The following RUNX2 variants were observed in gnomAD, a reference collection of about 807,000 sequenced individuals.
RUNX2 encodes runt-related transcription factor 2.
RUNX2 carries 10 observed loss-of-function variants against 51.7 expected under a neutral mutation model. The ratio of observed to expected loss-of-function variants is 0.19; its 90% CI spans 0.12 to 0.33. RUNX2 has a LOEUF of 0.33. Ranked by LOEUF, RUNX2 falls within the 10% of genes least tolerant of loss-of-function variation. RUNX2 has a pLI of 1.00. For synonymous variants in RUNX2, 276 were observed against 273.6 expected, an observed-to-expected ratio of 1.01 and a Z score of -0.09; for missense variants, 562 against 691.3, an observed-to-expected ratio of 0.81 and a Z score of 2.10.
At chr6:45,397,559 C>T (rs1309984568) in intron 2 of RUNX2, among the ~76,000 whole-genome samples, 3 of 152,118 alleles carry the variant, frequency 2.0e-5, no homozygotes, top group Non-Finnish European at 4.4e-5. Flanking sequence ...TTATAGCCAT[C>T]CCAGTGGGTG....
chr6:45,467,899 T>C (rs2150391164), intron 5 of RUNX2, among the ~76,000 whole-genome samples: 1 of 152,368 alleles, frequency 6.6e-6, no homozygotes, highest in Admixed American at 6.5e-5. Flanking sequence ...TAGGGAATTG[T>C]AGTGATTACC....
At chr6:45,519,867 G>T (rs1232127199) in intron 7 of RUNX2, among the ~76,000 whole-genome samples, 2 of 148,674 alleles carry the variant, frequency 1.3e-5, no homozygotes, top group African/African-American at 5.0e-5. Context: ...CGCTCTTGTT[G>T]CCCCTGCTGG....
chr6:45,495,418 C>T (rs945773216), intron 6 of RUNX2, among the ~76,000 whole-genome samples: 11 of 152,322 alleles, frequency 7.2e-5, no homozygotes, highest in African/African-American at 2.6e-4. Flanking sequence ...AATCACATTT[C>T]AATAAAACAT....
rs533822338 is a variant in RUNX2, at chr6:45,463,433, C to T, written c.685+25382C>T. On this transcript the variant is annotated intron_variant, in intron 5 of 8. Transcript: ENST00000647337. The stretch of plus-strand genomic sequence containing the variant: ...AGGCATTTTAGGTGACCTTATTATT[C>T]CAAAACAAGGAGATATTTTCTTTCT... 7.2e-5 allele frequency among the ~76,000 whole-genome samples: 11 copies of T among 152,270 alleles called. No individual in the cohort carries two copies. In the South Asian group the frequency reaches 2.1e-3, roughly 29 times the overall value.
chr6:45,475,984 T>G (rs995225134), intron 5 of RUNX2, among the ~76,000 whole-genome samples: 2 of 152,198 alleles, frequency 1.3e-5, no homozygotes, highest in Non-Finnish European at 2.9e-5. Flanking sequence ...AAGTAAGAGG[T>G]CCAAAAATCT....
chr6:45,353,819 C>A, intron 2 of RUNX2, among the ~76,000 whole-genome samples: 1 of 149,974 alleles, frequency 6.7e-6, no homozygotes. Context: ...TTAAGGCAAC[C>A]ACGAGATTTA....
intron 2 of RUNX2, among the ~76,000 whole-genome samples, chr6:45,356,013 G>C (rs1286718454): frequency 6.6e-6 from 1 of 152,108 alleles, no homozygotes; most frequent in Admixed American, 6.5e-5. Context: ...GGCAAAAACT[G>C]GTTGTAACGT....
chr6:45,472,317 C>T (rs1037061095), intron 5 of RUNX2, among the ~76,000 whole-genome samples: 1 of 152,070 alleles, frequency 6.6e-6, no homozygotes, highest in Non-Finnish European at 1.5e-5. Context: ...AAGTGAGAAA[C>T]AAAATTTAAG....
At chr6:45,351,768 T>C (rs755308756) in intron 2 of RUNX2, among the ~76,000 whole-genome samples, 5 of 152,140 alleles carry the variant, frequency 3.3e-5, no homozygotes, top group Non-Finnish European at 7.4e-5. Flanking sequence ...CAAATTTCAA[T>C]AGCCTTCTGC....
chr6:45,436,536 A>G (rs1437631323), intron 4 of RUNX2, among the ~76,000 whole-genome samples: 1 of 152,076 alleles, frequency 6.6e-6, no homozygotes, highest in Middle Eastern at 3.2e-3. Flanking sequence ...AACTGCACCC[A>G]CCCCATTCCT....
Position 45,328,416 on chromosome 6 carries a change from T to C in RUNX2, c.-111T>C, listed in dbSNP as rs778824476. ...CAAGAAGTCTCTGGTTTTTAAATGG[T>C]TAATCTCCGCAGGTCACTACCAGCC... On this transcript the variant is annotated 5_prime_UTR_variant, in exon 1 of 9. Transcript: ENST00000647337. 1 of 1,431,852 alleles carries C rather than the reference T, an allele frequency of 7.0e-7. No individual in the cohort carries two copies. Among genetic ancestry groups the C allele is most frequent in the Admixed American group, 1.8e-5 (1 of 54,222 alleles). 88.7% of individuals were successfully genotyped at this position (1,431,852 alleles called of 1,614,324 possible).
At chr6:45,413,429 CTTTTTTTTT>C (rs67659911) in intron 2 of RUNX2, among the ~76,000 whole-genome samples, 2 of 56,590 alleles carry the variant, frequency 3.5e-5, no homozygotes, top group East Asian at 5.5e-4. Context: ...AAGATACATT[CTTTTTTTTT>C]TTTTTTTTTT....
chr6:45,486,490 A>G (rs1245237307), intron 5 of RUNX2, among the ~76,000 whole-genome samples: 1 of 152,148 alleles, frequency 6.6e-6, no homozygotes, highest in Admixed American at 6.5e-5. Flanking sequence ...TTATGTTTTC[A>G]TGATACTTAG....
At chr6:45,497,865 G>A (rs1402338967) in intron 6 of RUNX2, among the ~76,000 whole-genome samples, 4 of 152,128 alleles carry the variant, frequency 2.6e-5, no homozygotes, top group African/African-American at 9.7e-5. Context: ...TTCAGGAGGC[G>A]GGACCCACTA....
intron 3 of RUNX2, among the ~76,000 whole-genome samples, chr6:45,423,430 C>T (rs1467331945): frequency 6.6e-6 from 1 of 152,230 alleles, no homozygotes; most frequent in Non-Finnish European, 1.5e-5. Flanking sequence ...GGGCTGCCCG[C>T]GCAGCCTCTC....
intron 5 of RUNX2, among the ~76,000 whole-genome samples, chr6:45,465,156 CT>C (rs1715891418): frequency 6.6e-6 from 1 of 152,118 alleles, no homozygotes; most frequent in Non-Finnish European, 1.5e-5. Flanking sequence ...AGGTTACCTG[CT>C]TTTTGATGTA....
At chr6:45,481,371 T>C (rs373341234) in intron 5 of RUNX2, among the ~76,000 whole-genome samples, 2 of 152,214 alleles carry the variant, frequency 1.3e-5, no homozygotes, top group African/African-American at 4.8e-5. Flanking sequence ...TAAAAAAATC[T>C]TTGCATCTCT....
At chr6:45,445,127 C>T (rs995386639) in intron 5 of RUNX2, among the ~76,000 whole-genome samples, 2 of 152,024 alleles carry the variant, frequency 1.3e-5, no homozygotes, top group African/African-American at 4.8e-5. Context: ...TGGGTTCAAG[C>T]GATTCTCCTG....
At chr6:45,389,829 G>A (rs550953721) in intron 2 of RUNX2, among the ~76,000 whole-genome samples, 2 of 152,156 alleles carry the variant, frequency 1.3e-5, no homozygotes, top group East Asian at 3.9e-4. Flanking sequence ...GGCCAGCATG[G>A]TGAAACCACG....
Sources: gnomAD v4.1 joint callset for allele counts (sites outside exome capture counted in the v4.1 genomes callset) on GRCh38, gnomAD v4.1.1 for gene constraint, MANE v1.5 for transcripts, NCBI Gene and HGNC (gene_info 2026-07-23, HGNC 2026-07-21) for gene names.